Variants in KCNQ1OT1 observed in about 807,000 individuals in gnomAD.
KCNQ1OT1 encodes the protein KCNQ1 antisense RNA 2 (non-protein coding).
At position 2,657,089 on chromosome 11, in the gene KCNQ1OT1, C is replaced by T. The variant is rs1017685262; in HGVS notation, n.42906G>A. On this transcript the variant is annotated non_coding_transcript_exon_variant, in exon 1 of 1. Coordinates refer to ENST00000597346, the Ensembl canonical transcript of KCNQ1OT1. This position sits in a 1 kb window ranked among gnomAD's most constrained non-coding sequence, Gnocchi z 4.8. ...CTGTCCCATTGGCCTATTTGTCTCT[C>T]CCTGTGTCAATACCACATTGCCCTA... 1.3e-5 allele frequency: 5 copies of T among 398,500 alleles called. No individual in the cohort carries two copies. The highest frequency in any genetic ancestry group is 2.2e-5 in the Non-Finnish European group (5 of 226,072). The allele number at this position is 398,500 out of a possible 1,614,324, so 24.7% of individuals were successfully genotyped here. A position where few individuals can be genotyped will look rare whatever the true frequency, so the allele number is the denominator to read the frequency against.
At chr11:2,662,271 T>C (rs1295454732) in exon 1 of KCNQ1OT1, 9 of 645,176 alleles carry the variant, frequency 1.4e-5, no homozygotes, top group Non-Finnish European at 2.1e-5. Flanking sequence ...CACTTCCCAC[T>C]GAGCCTGGGA....
At chr11:2,699,180 C>T (rs1850728519) in exon 1 of KCNQ1OT1, 1 of 398,618 alleles carries the variant, frequency 2.5e-6, no homozygotes, top group African/African-American at 2.1e-5. Context: ...AACTATAGAC[C>T]CGGAATCCGA....
chr11:2,633,409 C>A (rs1342269058), exon 1 of KCNQ1OT1: 1 of 398,244 alleles, frequency 2.5e-6, no homozygotes, highest in East Asian at 3.6e-5. Flanking sequence ...GTTTTTGTTG[C>A]CTGTGCTTAT....
rs1184715233 is a variant in KCNQ1OT1, at chr11:2,670,654, G to A, written n.29341C>T. On this transcript the variant is annotated non_coding_transcript_exon_variant, in exon 1 of 1. Transcript: ENST00000597346. The surrounding 1 kb of genome is among the most constrained non-coding windows in gnomAD (Gnocchi z 4.9). The stretch of plus-strand genomic sequence containing the variant: ...CATGGCAGAGGCCAGGATGAACCCT[G>A]AAGATTGGTAGGAAGGCAGTGTAGC... 11 of 398,644 alleles carry A rather than the reference G, an allele frequency of 2.8e-5. No individual in the cohort carries two copies. The South Asian group carries it at 6.4e-4, about 23-fold the overall frequency. The allele number at this position is 398,644 out of a possible 1,614,324, so 24.7% of individuals were successfully genotyped here.
In KCNQ1OT1 at chr11:2,658,193, A is replaced by G. The variant is rs577086229; in HGVS notation, n.41802T>C. Reference sequence around the variant, plus strand: ...AGAAACTGTGAAGTTTCTGAGTTTCACTAACTAATTTCAGCATTCATTCAT... The same window carrying G: ...AGAAACTGTGAAGTTTCTGAGTTTCGCTAACTAATTTCAGCATTCATTCAT... On this transcript the variant is annotated non_coding_transcript_exon_variant, in exon 1 of 1. Transcript: ENST00000597346. The surrounding 1 kb of genome is among the most constrained non-coding windows in gnomAD (Gnocchi z 4.9). 1.0e-5 allele frequency: 4 copies of G among 398,606 alleles called. No individual in the cohort carries two copies. In the South Asian group the frequency reaches 5.1e-4, roughly 51 times the overall value. 24.7% of individuals were successfully genotyped at this position (398,606 alleles called of 1,614,324 possible). A position where few individuals can be genotyped will look rare whatever the true frequency, so the allele number is the denominator to read the frequency against.
chr11:2,643,232 T>C (rs1452468716), exon 1 of KCNQ1OT1: 2 of 398,198 alleles, frequency 5.0e-6, no homozygotes. Flanking sequence ...TTTGTCTAGA[T>C]GATCTGTCTA....
exon 1 of KCNQ1OT1, chr11:2,614,501 T>C (rs1314649179): frequency 1.3e-5 from 5 of 398,392 alleles, no homozygotes; most frequent in Non-Finnish European, 1.3e-5. Context: ...TACTAAGAAA[T>C]TTATGCCTTT....
Position 2,651,958 on chromosome 11 carries a change from G to C in KCNQ1OT1, n.48037C>G. The C allele has an allele frequency of 2.5e-6, 1 of 398,706 alleles. No individual in the cohort carries two copies. Among genetic ancestry groups the C allele is most frequent in the Non-Finnish European group, 4.4e-6 (1 of 226,142 alleles). The allele number at this position is 398,706 out of a possible 1,614,324, so 24.7% of individuals were successfully genotyped here. On this transcript the variant is annotated non_coding_transcript_exon_variant, in exon 1 of 1. Coordinates refer to ENST00000597346, the Ensembl canonical transcript of KCNQ1OT1. This position sits in a 1 kb window ranked among gnomAD's most constrained non-coding sequence, Gnocchi z 6.1. ...AGCCCTCCTGCAGCCAGCAGCAGTG[G>C]GGGAGCCAAGCTGAGTTGATTACTT...
At chr11:2,681,782 C>T (rs949562767) in exon 1 of KCNQ1OT1, 6 of 398,430 alleles carry the variant, frequency 1.5e-5, no homozygotes, top group African/African-American at 4.1e-5. Flanking sequence ...CTGGGAGGAC[C>T]AGAATGGGTA....
In KCNQ1OT1 at chr11:2,653,264, G is replaced by A. The variant is rs538416977; in HGVS notation, n.46731C>T. The A allele has an allele frequency of 7.8e-5, 31 of 398,576 alleles. No homozygotes were observed. The highest frequency in any genetic ancestry group is 1.3e-4 in the Non-Finnish European group (29 of 226,122). The allele number at this position is 398,576 out of a possible 1,614,324, so 24.7% of individuals were successfully genotyped here. ...CCCACAAGCCTTCTCCCTGCCCTCT[G>A]CCCTGAAAACTAGTGGGGGCAGTGC... On this transcript the variant is annotated non_coding_transcript_exon_variant, in exon 1 of 1. Coordinates refer to ENST00000597346, the Ensembl canonical transcript of KCNQ1OT1. The surrounding 1 kb of genome is among the most constrained non-coding windows in gnomAD (Gnocchi z 5.3).
exon 1 of KCNQ1OT1, chr11:2,633,341 T>C (rs569465911): frequency 2.5e-6 from 1 of 398,566 alleles, no homozygotes; most frequent in African/African-American, 2.1e-5. Flanking sequence ...CTTAATAGTT[T>C]ATTATTTCCT....
Position 2,651,047 on chromosome 11 carries a change from C to A in KCNQ1OT1, n.48948G>T, listed in dbSNP as rs183092035. The A allele has an allele frequency of 7.5e-6, 3 of 398,746 alleles. No individual in the cohort carries two copies. The highest frequency in any genetic ancestry group is 4.1e-5 in the African/African-American group (2 of 48,654). 24.7% of individuals were successfully genotyped at this position (398,746 alleles called of 1,614,324 possible). A position where few individuals can be genotyped will look rare whatever the true frequency, so the allele number is the denominator to read the frequency against. On this transcript the variant is annotated non_coding_transcript_exon_variant, in exon 1 of 1. Transcript: ENST00000597346. The surrounding 1 kb of genome is among the most constrained non-coding windows in gnomAD (Gnocchi z 6.1). ...TCCCTGGTTAAAACCACCACCATTT[C>A]TCTGCCTACATTGTTGTCCATACCT...
Position 2,678,874 on chromosome 11 carries a change from T to A in KCNQ1OT1, n.21121A>T. 2.5e-6 allele frequency: 1 copy of A among 398,608 alleles called. No individual in the cohort carries two copies. Among genetic ancestry groups the A allele is most frequent in the Non-Finnish European group, 4.4e-6 (1 of 226,074 alleles). 24.7% of individuals were successfully genotyped at this position (398,608 alleles called of 1,614,324 possible). ...TCGGGGGTGCACAGGAGTTGCCAGC[T>A]GGACCCAAGGACCATTTCGTATACA... On this transcript the variant is annotated non_coding_transcript_exon_variant, in exon 1 of 1. Coordinates refer to ENST00000597346, the Ensembl canonical transcript of KCNQ1OT1. The surrounding 1 kb of genome is among the most constrained non-coding windows in gnomAD (Gnocchi z 4.9).
chr11:2,630,166 T>G (rs1300362170), exon 1 of KCNQ1OT1: 3 of 398,270 alleles, frequency 7.5e-6, no homozygotes, highest in African/African-American at 2.1e-5. Flanking sequence ...TTTGCACTTA[T>G]CAAAATGATT....
In KCNQ1OT1 at chr11:2,624,117, G is replaced by A. The variant is rs1409680193; in HGVS notation, n.75878C>T. 5.0e-6 allele frequency: 2 copies of A among 398,342 alleles called. No individual in the cohort carries two copies. The highest frequency in any genetic ancestry group is 8.8e-6 in the Non-Finnish European group (2 of 226,028). The allele number at this position is 398,342 out of a possible 1,614,324, so 24.7% of individuals were successfully genotyped here. Reference sequence around the variant, plus strand: ...TTTTGAATTTTGGCCATTCTAATAAGCGTGTAGATATATCACATTTCTTGT... The same window carrying A: ...TTTTGAATTTTGGCCATTCTAATAAACGTGTAGATATATCACATTTCTTGT... On this transcript the variant is annotated non_coding_transcript_exon_variant, in exon 1 of 1. Transcript: ENST00000597346. The surrounding 1 kb of genome is among the most constrained non-coding windows in gnomAD (Gnocchi z 4.9).
In KCNQ1OT1 at chr11:2,687,504, T is replaced by G; in HGVS notation, n.12491A>C. Reference sequence around the variant, plus strand: ...AGGGCCATCCCAGGCACCCTAGGACTTGAGACCAGCCTCCTCTGTATGGTC... The same window carrying G: ...AGGGCCATCCCAGGCACCCTAGGACGTGAGACCAGCCTCCTCTGTATGGTC... On this transcript the variant is annotated non_coding_transcript_exon_variant, in exon 1 of 1. Coordinates refer to ENST00000597346, the Ensembl canonical transcript of KCNQ1OT1. The surrounding 1 kb of genome is among the most constrained non-coding windows in gnomAD (Gnocchi z 5.0). 2.5e-6 allele frequency: 1 copy of G among 398,700 alleles called. No homozygotes were observed. Among genetic ancestry groups the G allele is most frequent in the Admixed American group, 4.4e-5 (1 of 22,734 alleles). The allele number at this position is 398,700 out of a possible 1,614,324, so 24.7% of individuals were successfully genotyped here.
rs1291729758 is a variant in KCNQ1OT1, at chr11:2,648,261, T to G, written n.51734A>C. On this transcript the variant is annotated non_coding_transcript_exon_variant, in exon 1 of 1. Coordinates refer to ENST00000597346, the Ensembl canonical transcript of KCNQ1OT1. ...TCTTTTGTCTTTTTTACCTTTTATC[T>G]CTATTTCATTTAGATCTGCTCTGAT... The G allele has an allele frequency of 1.3e-5, 5 of 398,528 alleles. No homozygotes were observed. In the East Asian group the frequency reaches 1.8e-4, roughly 14 times the overall value. The allele number at this position is 398,528 out of a possible 1,614,324, so 24.7% of individuals were successfully genotyped here. A position where few individuals can be genotyped will look rare whatever the true frequency, so the allele number is the denominator to read the frequency against.
chr11:2,626,600 C>T lies in KCNQ1OT1; in HGVS notation n.73395G>A. 2.5e-6 allele frequency: 1 copy of T among 398,606 alleles called. No individual in the cohort carries two copies. Among genetic ancestry groups the T allele is most frequent in the Non-Finnish European group, 4.4e-6 (1 of 226,092 alleles). 24.7% of individuals were successfully genotyped at this position (398,606 alleles called of 1,614,324 possible). On this transcript the variant is annotated non_coding_transcript_exon_variant, in exon 1 of 1. Transcript: ENST00000597346. This position sits in a 1 kb window ranked among gnomAD's most constrained non-coding sequence, Gnocchi z 4.0. ...CTGGAGTACAGTGGCATTATCACTG[C>T]TTACTGCCACCTCAATCTCCCAGGC...
At chr11:2,696,254 A>G in exon 1 of KCNQ1OT1, 1 of 398,648 alleles carries the variant, frequency 2.5e-6, no homozygotes, top group Non-Finnish European at 4.4e-6. Flanking sequence ...TTTTGCTTTC[A>G]AATATTTAGT....
Sources: gnomAD v4.1 joint callset for allele counts on GRCh38, gnomAD v4.1.1 for gene constraint, Gnocchi (gnomAD v3.1) non-coding constraint, MANE v1.5 for transcripts, NCBI Gene and HGNC (gene_info 2026-07-23, HGNC 2026-07-21) for gene names.